Variants in TSHZ2 observed in about 807,000 individuals in gnomAD.
TSHZ2 encodes the protein teashirt homolog 2.
In TSHZ2, 21 loss-of-function variants were observed where a neutral mutation model predicts 74.4. The observed-to-expected ratio is 0.28, with a 90% CI of 0.20 to 0.41. TSHZ2 has a LOEUF of 0.41. TSHZ2 is among the 10% of genes least tolerant of loss of function. The pLI is 1.00. For missense variants in TSHZ2, 1,244 were observed against 1,293.5 expected, an observed-to-expected ratio of 0.96 and a Z score of 0.59; for synonymous variants, 540 against 515.3, an observed-to-expected ratio of 1.05 and a Z score of -0.65.
chr20:53,027,266 A>T (rs892323510), intron 1 of TSHZ2, among the ~76,000 whole-genome samples: 1 of 152,336 alleles, frequency 6.6e-6, no homozygotes, highest in African/African-American at 2.4e-5. Context: ...GTATTTATAC[A>T]TGCATATGTA....
intron 2 of TSHZ2, among the ~76,000 whole-genome samples, chr20:53,272,158 C>G (rs561826212): frequency 6.6e-6 from 1 of 151,934 alleles, no homozygotes; most frequent in Admixed American, 6.5e-5. Context: ...ATTACAGGCA[C>G]GCACCACCAC....
At chr20:53,152,474 C>T (rs1185552703) in intron 1 of TSHZ2, among the ~76,000 whole-genome samples, 1 of 152,170 alleles carries the variant, frequency 6.6e-6, no homozygotes, top group Non-Finnish European at 1.5e-5. Flanking sequence ...TAATCCTGAC[C>T]CTGATTCTGA....
At chr20:53,252,337 G>A (rs1990351493) in intron 1 of TSHZ2, among the ~76,000 whole-genome samples, 1 of 152,186 alleles carries the variant, frequency 6.6e-6, no homozygotes, top group African/African-American at 2.4e-5. Context: ...GTCGCTACCT[G>A]CCACAGAGAG....
chr20:53,422,836 G>A (rs1325000490), intron 2 of TSHZ2, among the ~76,000 whole-genome samples: 1 of 152,100 alleles, frequency 6.6e-6, no homozygotes, highest in Non-Finnish European at 1.5e-5. Context: ...ATACAGTCAG[G>A]ACTTCACGAG....
intron 2 of TSHZ2, among the ~76,000 whole-genome samples, chr20:53,460,342 G>C (rs1461188185): frequency 6.3e-4 from 96 of 151,918 alleles, no homozygotes; most frequent in African/African-American, 1.9e-3. Context: ...GATCGCATCG[G>C]CTCCTGAGGC....
intron 2 of TSHZ2, among the ~76,000 whole-genome samples, chr20:53,423,167 G>C (rs761462140): frequency 6.6e-6 from 1 of 152,188 alleles, no homozygotes; most frequent in African/African-American, 2.4e-5. Context: ...GGGAGGCTAA[G>C]GCAGGCGGAT....
intron 1 of TSHZ2, among the ~76,000 whole-genome samples, chr20:53,246,773 C>A (rs1436447874): frequency 6.6e-6 from 1 of 152,098 alleles, no homozygotes; most frequent in Admixed American, 6.6e-5. Flanking sequence ...TTGCTGATGA[C>A]CAAGATGTGG....
chr20:53,008,980 C>CCCCTCTCT (rs1226250631), intron 1 of TSHZ2, among the ~76,000 whole-genome samples: 1 of 130,482 alleles, frequency 7.7e-6, no homozygotes, highest in African/African-American at 3.1e-5. Flanking sequence ...TTGTCTTTCT[C>CCCCTCTCT]CTCTCTCTCT....
chr20:53,366,177 G>C (rs1981250892), intron 2 of TSHZ2, among the ~76,000 whole-genome samples: 1 of 152,198 alleles, frequency 6.6e-6, no homozygotes, highest in African/African-American at 2.4e-5. Flanking sequence ...CTGTTATTTT[G>C]GAGTAAGTCA....
intron 1 of TSHZ2, among the ~76,000 whole-genome samples, chr20:53,171,626 G>T (rs566564058): frequency 2.0e-5 from 3 of 151,594 alleles, no homozygotes; most frequent in African/African-American, 7.3e-5. Flanking sequence ...GAGGGTGTTT[G>T]TACAAATTAT....
intron 1 of TSHZ2, among the ~76,000 whole-genome samples, chr20:53,149,664 T>C (rs958399303): frequency 6.6e-6 from 1 of 152,192 alleles, no homozygotes; most frequent in Admixed American, 6.5e-5. Context: ...ACATATTATG[T>C]AGGGCATGGA....
chr20:53,203,410 A>G (rs934306702), intron 1 of TSHZ2, among the ~76,000 whole-genome samples: 16 of 151,834 alleles, frequency 1.1e-4, no homozygotes, highest in African/African-American at 1.7e-4. Context: ...GGCCAGGCTG[A>G]TCTCAAACTC....
In TSHZ2 at chr20:53,256,581, T is replaced by G. The variant is rs751645133; in HGVS notation, c.*8+10T>G. ...AAGAATAGCTCTGCAGGTATGGGTT[T>G]GCTCTGAGGCATTGCGATTAGCCTG... On this transcript the variant is annotated intron_variant, in intron 2 of 2. Transcript: ENST00000371497. This position sits in a 1 kb window ranked among gnomAD's most constrained non-coding sequence, Gnocchi z 4.3. 1 of 1,553,236 alleles carries G rather than the reference T, an allele frequency of 6.4e-7. No individual in the cohort carries two copies. Among genetic ancestry groups the G allele is most frequent in the Non-Finnish European group, 8.7e-7 (1 of 1,145,720 alleles).
intron 2 of TSHZ2, among the ~76,000 whole-genome samples, chr20:53,308,114 G>A (rs552123086): frequency 1.2e-4 from 18 of 152,288 alleles, no homozygotes; most frequent in African/African-American, 3.6e-4. Flanking sequence ...GACAAAGGGC[G>A]TTTGCATAGT....
intron 2 of TSHZ2, among the ~76,000 whole-genome samples, chr20:53,449,995 C>A (rs930362853): frequency 1.3e-5 from 2 of 152,326 alleles, no homozygotes; most frequent in African/African-American, 4.8e-5. Context: ...GGGTGGGACC[C>A]TCTTAATGGG....
intron 1 of TSHZ2, among the ~76,000 whole-genome samples, chr20:53,228,429 A>G (rs534661267): frequency 9.2e-5 from 14 of 152,342 alleles, no homozygotes; most frequent in Admixed American, 4.6e-4. Flanking sequence ...AAAAAGCGAT[A>G]TAACAGTCTT....
chr20:53,423,295 A>G (rs112922694), intron 2 of TSHZ2, among the ~76,000 whole-genome samples: 4,609 of 152,202 alleles, frequency 0.03, 243 homozygotes, highest in East Asian at 0.25. Flanking sequence ...GAGGCAGGAG[A>G]ATCACTTGAG....
At chr20:53,293,542 G>A (rs1321872676) in intron 2 of TSHZ2, among the ~76,000 whole-genome samples, 3 of 152,170 alleles carry the variant, frequency 2.0e-5, no homozygotes, top group Middle Eastern at 6.8e-3. Flanking sequence ...GCAACAGAAG[G>A]CTGACCAGTC....
At chr20:53,101,174 T>G (rs1600689806) in intron 1 of TSHZ2, among the ~76,000 whole-genome samples, 1 of 152,344 alleles carries the variant, frequency 6.6e-6, no homozygotes, top group African/African-American at 2.4e-5. Context: ...CTAAAAGAGA[T>G]GTTTTGTCAA....
Sources: allele counts gnomAD v4.1 joint callset (sites outside exome capture counted in the v4.1 genomes callset), GRCh38; gene constraint gnomAD v4.1.1; non-coding constraint Gnocchi (gnomAD v3.1); transcripts MANE v1.5; gene names NCBI Gene and HGNC (gene_info 2026-07-23, HGNC 2026-07-21).